NRG1: variants seen among roughly 807,000 people sequenced by gnomAD.
The protein encoded by NRG1 is pro-neuregulin-1, membrane-bound isoform.
Under a neutral mutation model 63.8 loss-of-function variants are expected in NRG1, and 18 were observed. That is an observed-to-expected ratio of 0.28 (90% confidence interval 0.19 to 0.42). The LOEUF is 0.42. NRG1 is among the 10% of genes least tolerant of loss of function. The pLI is 1.00. For missense variants in NRG1, 762 were observed against 814.7 expected (o/e 0.94, Z 0.79); for synonymous variants, 302 against 301.3 (o/e 1.00, Z -0.02).
intron 1 of NRG1, among the ~76,000 whole-genome samples, chr8:31,948,821 G>T (rs1021611996): frequency 3.3e-5 from 5 of 152,168 alleles, no homozygotes; most frequent in Non-Finnish European, 5.9e-5. Flanking sequence ...CCCCCAACAG[G>T]ATGTGCCATG....
rs527465572 is a variant in NRG1, at chr8:32,294,768, G to T, written c.38-301060G>T. ...TACGAATGGTTTCTATTTCTTTGTA[G>T]ATTTCTAATTCTTTGTTCTCGTAGC... On this transcript the variant is annotated intron_variant, in intron 1 of 10. Transcript: ENST00000519301. Among the ~76,000 whole-genome samples the T allele has an allele frequency of 3.3e-5, 5 of 151,902 alleles. No individual in the cohort carries two copies. In the South Asian group the frequency reaches 1.0e-3, roughly 32 times the overall value.
intron 1 of NRG1, among the ~76,000 whole-genome samples, chr8:32,490,944 T>G (rs912118350): frequency 6.6e-6 from 1 of 152,166 alleles, no homozygotes; most frequent in African/African-American, 2.4e-5. Context: ...TTTTATTTTC[T>G]TGGTACTTTT....
At chr8:32,141,778 C>G (rs941852971) in intron 1 of NRG1, among the ~76,000 whole-genome samples, 2 of 151,618 alleles carry the variant, frequency 1.3e-5, no homozygotes, top group African/African-American at 4.8e-5. Flanking sequence ...CAAAATCTTG[C>G]TCAGCTCAAG....
chr8:31,916,784 AC>A (rs1476348628), intron 1 of NRG1, among the ~76,000 whole-genome samples: 1 of 151,836 alleles, frequency 6.6e-6, no homozygotes, highest in African/African-American at 2.4e-5. Flanking sequence ...CGCCACACTG[AC>A]TTCCACAATG....
chr8:32,640,340 T>A (rs111412400), intron 5 of NRG1, among the ~76,000 whole-genome samples: 436 of 149,092 alleles, frequency 2.9e-3, no homozygotes, highest in African/African-American at 0.01. Flanking sequence ...AAAACACACG[T>A]CTCAAAGATG....
At chr8:31,995,057 T>C (rs1811737731) in intron 1 of NRG1, among the ~76,000 whole-genome samples, 1 of 151,988 alleles carries the variant, frequency 6.6e-6, no homozygotes, top group African/African-American at 2.4e-5. Context: ...TTCTAAAGTT[T>C]ATTCCCATAT....
intron 1 of NRG1, among the ~76,000 whole-genome samples, chr8:31,789,058 G>A (rs1490235615): frequency 1.3e-5 from 2 of 152,132 alleles, no homozygotes; most frequent in African/African-American, 4.8e-5. Flanking sequence ...CACTGACCTA[G>A]GAATCAAGAA....
chr8:31,820,638 G>A (rs1823913803), intron 1 of NRG1, among the ~76,000 whole-genome samples: 1 of 152,172 alleles, frequency 6.6e-6, no homozygotes, highest in South Asian at 2.1e-4. Flanking sequence ...ATGTTTGGCA[G>A]GGATTGAACC....
intron 1 of NRG1, among the ~76,000 whole-genome samples, chr8:32,260,594 C>T (rs1795463065): frequency 1.3e-5 from 2 of 152,184 alleles, no homozygotes; most frequent in Non-Finnish European, 2.9e-5. Context: ...CATTAAGCAC[C>T]TACTTTATTT....
chr8:32,200,197 T>C (rs1843362519), intron 1 of NRG1, among the ~76,000 whole-genome samples: 1 of 152,210 alleles, frequency 6.6e-6, no homozygotes, highest in African/African-American at 2.4e-5. Context: ...GAGTTTGACA[T>C]TGGTTCTTCT....
chr8:32,003,815 G>C (rs1216683156), intron 1 of NRG1, among the ~76,000 whole-genome samples: 1 of 151,374 alleles, frequency 6.6e-6, no homozygotes, highest in East Asian at 1.9e-4. Context: ...ATTCAAGGAG[G>C]GAAAAAGAAA....
chr8:32,058,413 T>G (rs1194912662), intron 1 of NRG1, among the ~76,000 whole-genome samples: 2 of 152,060 alleles, frequency 1.3e-5, no homozygotes, highest in Admixed American at 1.3e-4. Context: ...CAATTAAAAT[T>G]ATTATACACA....
intron 1 of NRG1, among the ~76,000 whole-genome samples, chr8:32,024,874 A>G (rs1436249908): frequency 1.3e-5 from 2 of 152,230 alleles, no homozygotes; most frequent in Non-Finnish European, 2.9e-5. Context: ...CAGTTTATAT[A>G]CTGTCTTTTA....
rs1319567972 is a variant in NRG1, at chr8:31,855,245, C to G, written c.37+215814C>G. Among the ~76,000 whole-genome samples, 58 of 152,134 alleles carry G rather than the reference C, an allele frequency of 3.8e-4. 1 individual carries two copies. Among genetic ancestry groups the G allele is most frequent in the Admixed American group, 3.6e-3 (55 of 15,266 alleles). On this transcript the variant is annotated intron_variant, in intron 1 of 10. Transcript: ENST00000519301. ...TCTCCCATTAACAATGTGTGGGAGT[C>G]TAAGTCTCTTTGTAGGTCACTCAGG...
chr8:32,401,608 A>G (rs1041929713), intron 1 of NRG1, among the ~76,000 whole-genome samples: 13 of 152,186 alleles, frequency 8.5e-5, no homozygotes, highest in African/African-American at 3.1e-4. Flanking sequence ...GCTGGAGGCC[A>G]TTATCCTTAG....
At chr8:32,384,211 C>T (rs548472122) in intron 1 of NRG1, among the ~76,000 whole-genome samples, 4 of 151,768 alleles carry the variant, frequency 2.6e-5, no homozygotes, top group East Asian at 1.9e-4. Flanking sequence ...CACTCCAGCC[C>T]GGGTGACAGA....
chr8:31,954,088 C>A (rs1027950635), intron 1 of NRG1, among the ~76,000 whole-genome samples: 1 of 152,234 alleles, frequency 6.6e-6, no homozygotes, highest in African/African-American at 2.4e-5. Context: ...AAAAATAACA[C>A]AGCCATAAAA....
chr8:32,678,636 T>G (rs1362986446), intron 5 of NRG1, among the ~76,000 whole-genome samples: 1 of 152,184 alleles, frequency 6.6e-6, no homozygotes, highest in Non-Finnish European at 1.5e-5. Context: ...GATCAATTGC[T>G]TCACCTTCTT....
chr8:32,106,388 G>A (rs1831264834), intron 1 of NRG1, among the ~76,000 whole-genome samples: 1 of 152,140 alleles, frequency 6.6e-6, no homozygotes, highest in Admixed American at 6.5e-5. Context: ...ATGACTCTGT[G>A]CACATAGGCA....
Sources: gnomAD v4.1 joint callset for allele counts (sites outside exome capture counted in the v4.1 genomes callset) on GRCh38, gnomAD v4.1.1 for gene constraint, MANE v1.5 for transcripts, NCBI Gene and HGNC (gene_info 2026-07-23, HGNC 2026-07-21) for gene names.